LRRC55: variants seen among roughly 807,000 people sequenced by gnomAD.
LRRC55 encodes the protein leucine rich repeat containing 55, also known as leucine-rich repeat-containing protein 55.
A neutral mutation model predicts 20.5 loss-of-function variants in LRRC55; 11 were observed. The observed-to-expected ratio is 0.54, with a 90% CI of 0.34 to 0.89. LRRC55 has a LOEUF of 0.89. Among genes scored for constraint, LRRC55 ranks in the 40% least tolerant of loss-of-function variants. The pLI, the probability that LRRC55 is intolerant of heterozygous loss-of-function variation, is 0.02. For synonymous variants in LRRC55, 188 were observed against 166.6 expected (o/e 1.13, Z -0.99); for missense variants, 358 against 390.9 (o/e 0.92, Z 0.71).
chr11:57,187,700 G>A lies in LRRC55; in HGVS notation c.*220G>A. On this transcript the variant is annotated 3_prime_UTR_variant, in exon 2 of 2. Coordinates refer to ENST00000497933, the MANE Select transcript of LRRC55 (RefSeq NM_001005210.4). ...AACTGACTCAGTCCCTGCCCTCAAG[G>A]CACTTCCCTCTGGTCAAGGAGAGAG... is the stretch of plus-strand genomic sequence containing the variant. 1.6e-6 allele frequency: 1 copy of A among 609,394 alleles called. No individual in the cohort carries two copies. Among genetic ancestry groups the A allele is most frequent in the Admixed American group, 3.0e-5 (1 of 33,488 alleles). 37.7% of individuals were successfully genotyped at this position (609,394 alleles called of 1,614,324 possible).
In LRRC55 at chr11:57,187,291, C is replaced by G. The variant is rs909320514; in HGVS notation, c.708C>G (p.Ala236=). The change falls in exon 2 of 2, where the codon GCC becomes GCG. Residue 236 remains alanine, a synonymous_variant. Transcript: ENST00000497933. ...ECRGPPEVEG[A]PLFSLTEESF... The stretch of plus-strand genomic sequence containing the variant: ...GGGGCCCTCCTGAAGTCGAGGGCGC[C>G]CCGCTCTTCTCACTCACTGAGGAGA... 6.2e-7 allele frequency: 1 copy of G among 1,613,978 alleles called. No individual in the cohort carries two copies. The highest frequency in any genetic ancestry group is 1.3e-5 in the African/African-American group (1 of 74,900).
rs1194149307 is a variant in LRRC55 at position 57,187,819 on chromosome 11, T to A, written c.*339T>A. The stretch of plus-strand genomic sequence containing the variant: ...AGGAGCCATCATCTGTATCTAGCAA[T>A]GTCCATGAGAATTATAAGATTAGAG... On this transcript the variant is annotated 3_prime_UTR_variant, in exon 2 of 2. Transcript: ENST00000497933. 2.6e-6 allele frequency: 1 copy of A among 381,046 alleles called. No homozygotes were observed. The highest frequency in any genetic ancestry group is 4.8e-6 in the Non-Finnish European group (1 of 208,900). The allele number at this position is 381,046 out of a possible 1,614,324, so 23.6% of individuals were successfully genotyped here.
rs1482978812 is a variant in LRRC55 at position 57,186,370 on chromosome 11, A to AT, written c.662-875_662-874insT. Reference sequence around the variant, plus strand: ...GTTCTCATGCTAAAGATACCATGGGAGGGGCTTATATTGAAAGGGGAGAAG... The same window carrying AT: ...GTTCTCATGCTAAAGATACCATGGGATGGGGCTTATATTGAAAGGGGAGAAG... On this transcript the variant is annotated intron_variant, in intron 1 of 1. Coordinates refer to ENST00000497933, the MANE Select transcript of LRRC55 (RefSeq NM_001005210.4). Among the ~76,000 whole-genome samples the AT allele has an allele frequency of 4.6e-5, 7 of 152,224 alleles. 1 individual carries two copies. In the East Asian group the frequency reaches 9.6e-4, roughly 21 times the overall value.
intron 1 of LRRC55, among the ~76,000 whole-genome samples, chr11:57,183,568 T>C (rs1271607482): frequency 6.6e-6 from 1 of 152,194 alleles, no homozygotes; most frequent in African/African-American, 2.4e-5. Context: ...AGTCAGGTTC[T>C]GGCCTGCCGG....
Position 57,191,135 on chromosome 11 carries a change from C to G in LRRC55, c.*3655C>G, listed in dbSNP as rs533107046. On this transcript the variant is annotated 3_prime_UTR_variant, in exon 2 of 2. Coordinates refer to ENST00000497933, the MANE Select transcript of LRRC55 (RefSeq NM_001005210.4). ...ATCTCTGGTCACCCTCAGACAAACC[C>G]TCGTCTCTTTTTCTCCCTTCCTAGA... is the stretch of plus-strand genomic sequence containing the variant. The G allele has an allele frequency of 1.3e-5, 2 of 152,160 alleles. No individual in the cohort carries two copies. Among genetic ancestry groups the G allele is most frequent in the African/African-American group, 2.4e-5 (1 of 41,424 alleles). The allele number at this position is 152,160 out of a possible 1,614,324, so 9.4% of individuals were successfully genotyped here.
chr11:57,188,956 G>A lies in LRRC55; in HGVS notation c.*1476G>A, dbSNP rs770621414. ...CTGGATAAGCCCTAGAAGGAAGGCG[G>A]TAGGCAGCTCCATTCAGGGAAACTG... is the stretch of plus-strand genomic sequence containing the variant. On this transcript the variant is annotated 3_prime_UTR_variant, in exon 2 of 2. Coordinates refer to ENST00000497933, the MANE Select transcript of LRRC55 (RefSeq NM_001005210.4). The A allele has an allele frequency of 3.9e-5, 6 of 152,222 alleles. No homozygotes were observed. Among genetic ancestry groups the A allele is most frequent in the Non-Finnish European group, 7.3e-5 (5 of 68,054 alleles). The allele number at this position is 152,222 out of a possible 1,614,324, so 9.4% of individuals were successfully genotyped here.
chr11:57,186,479 G>C (rs193014782), intron 1 of LRRC55, among the ~76,000 whole-genome samples: 1 of 152,304 alleles, frequency 6.6e-6, no homozygotes, highest in Admixed American at 6.5e-5. Context: ...AGGGAGCCCA[G>C]GGGGAGGTGA....
At position 57,182,696 on chromosome 11, in the gene LRRC55, C is replaced by A; in HGVS notation, c.661+13C>A. ...CGCTGTACAGCAGGTAATAGAGGGGCAGAACGGGGCAGTCAACAGGGAGGG... is the reference window on the plus strand; with the variant it reads ...CGCTGTACAGCAGGTAATAGAGGGGAAGAACGGGGCAGTCAACAGGGAGGG... On this transcript the variant is annotated intron_variant, in intron 1 of 1. Coordinates refer to ENST00000497933, the MANE Select transcript of LRRC55 (RefSeq NM_001005210.4). 1 of 1,464,990 alleles carries A rather than the reference C, an allele frequency of 6.8e-7. No homozygotes were observed. 90.7% of individuals were successfully genotyped at this position (1,464,990 alleles called of 1,614,324 possible). A position where few individuals can be genotyped will look rare whatever the true frequency, so the allele number is the denominator to read the frequency against.
chr11:57,185,270 C>CTTCTTTTTTTTTTTTT (rs1854416014), intron 1 of LRRC55, among the ~76,000 whole-genome samples: 1 of 89,412 alleles, frequency 1.1e-5, no homozygotes, highest in Non-Finnish European at 2.0e-5. Context: ...CTTTTCTTTT[C>CTTCTTTTTTTTTTTTT]TTTTTTTTTT....
intron 1 of LRRC55, among the ~76,000 whole-genome samples, 162 bp downstream of exon 1, chr11:57,182,845 T>C (rs10896577): frequency 0.29 from 43,495 of 152,164 alleles, 6,963 homozygotes; most frequent in Non-Finnish European, 0.38. Context: ...AGGTTGTTTG[T>C]AGAATCCTTC....
chr11:57,185,492 G>A (rs1048204896), intron 1 of LRRC55, among the ~76,000 whole-genome samples: 4 of 138,118 alleles, frequency 2.9e-5, no homozygotes, highest in Non-Finnish European at 6.2e-5. Flanking sequence ...TGTTGGCCAG[G>A]ATGGTCTCAA....
intron 1 of LRRC55, among the ~76,000 whole-genome samples, chr11:57,186,367 G>A (rs1854431533): frequency 1.3e-5 from 2 of 152,210 alleles, no homozygotes; most frequent in Non-Finnish European, 2.9e-5. Flanking sequence ...AAGATACCAT[G>A]GGAGGGGCTT....
intron 1 of LRRC55, among the ~76,000 whole-genome samples, chr11:57,186,960 G>C (rs1311678565): frequency 6.6e-6 from 1 of 151,970 alleles, no homozygotes; most frequent in African/African-American, 2.4e-5. Flanking sequence ...GGAGGTTATT[G>C]TAAGAGATGA....
intron 1 of LRRC55, among the ~76,000 whole-genome samples, chr11:57,185,428 G>A (rs1218285891): frequency 2.6e-5 from 4 of 151,258 alleles, no homozygotes; most frequent in Non-Finnish European, 4.4e-5. Context: ...CTACAGGTGC[G>A]CACCACCACA....
rs2135331057 is a variant in LRRC55, at chr11:57,182,189, T to A, written c.167T>A (p.Leu56Gln). 1 of 1,614,168 alleles carries A rather than the reference T, an allele frequency of 6.2e-7. No individual in the cohort carries two copies. The highest frequency in any genetic ancestry group is 8.5e-7 in the Non-Finnish European group (1 of 1,180,022). The change falls in exon 1 of 2, where the codon CTA becomes CAA. Residue 56 changes from leucine to glutamine, a missense_variant. Physicochemically the swap from Leu to Gln is moderately radical, Grantham distance 113 (BLOSUM62 -2). Transcript: ENST00000497933. Reference protein sequence around the residue: ...NQVVDCSSQRLFSVPPDLPMD... With the variant: ...NQVVDCSSQRQFSVPPDLPMD... ...GTGGTGGATTGTAGCAGCCAGCGGC[T>A]ATTCTCCGTGCCCCCAGACCTGCCA...
chr11:57,187,641 C>T lies in LRRC55; in HGVS notation c.*161C>T. On this transcript the variant is annotated 3_prime_UTR_variant, in exon 2 of 2. Coordinates refer to ENST00000497933, the MANE Select transcript of LRRC55 (RefSeq NM_001005210.4). ...TTTTGTATGAGCATCTGCTTTGGGC[C>T]AGGCGGCACGCTAGGAATTGGGAAC... 1.4e-6 allele frequency: 1 copy of T among 701,682 alleles called. No homozygotes were observed. The highest frequency in any genetic ancestry group is 1.6e-5 in the South Asian group (1 of 61,758). The allele number at this position is 701,682 out of a possible 1,614,324, so 43.5% of individuals were successfully genotyped here. A position where few individuals can be genotyped will look rare whatever the true frequency, so the allele number is the denominator to read the frequency against.
intron 1 of LRRC55, among the ~76,000 whole-genome samples, chr11:57,184,079 G>A (rs1854398479): frequency 6.6e-6 from 1 of 152,204 alleles, no homozygotes; most frequent in South Asian, 2.1e-4. Context: ...AGTTTGGGGA[G>A]GGCTGTGGGT....
chr11:57,187,712 G>C lies in LRRC55; in HGVS notation c.*232G>C. 1 of 596,602 alleles carries C rather than the reference G, an allele frequency of 1.7e-6. No individual in the cohort carries two copies. The highest frequency in any genetic ancestry group is 3.0e-6 in the Non-Finnish European group (1 of 338,024). The allele number at this position is 596,602 out of a possible 1,614,324, so 37.0% of individuals were successfully genotyped here. A position where few individuals can be genotyped will look rare whatever the true frequency, so the allele number is the denominator to read the frequency against. ...CCCTGCCCTCAAGGCACTTCCCTCT[G>C]GTCAAGGAGAGAGATCCAAAAACTA... On this transcript the variant is annotated 3_prime_UTR_variant, in exon 2 of 2. Transcript: ENST00000497933.
chr11:57,191,533 TCA>T lies in LRRC55; in HGVS notation c.*4054_*4055del, dbSNP rs1359861261. The T allele has an allele frequency of 7.2e-6, 1 of 139,568 alleles. No homozygotes were observed. Among genetic ancestry groups the T allele is most frequent in the Non-Finnish European group, 1.5e-5 (1 of 67,008 alleles). 8.6% of individuals were successfully genotyped at this position (139,568 alleles called of 1,614,324 possible). A position where few individuals can be genotyped will look rare whatever the true frequency, so the allele number is the denominator to read the frequency against. On this transcript the variant is annotated 3_prime_UTR_variant, in exon 2 of 2. Transcript: ENST00000497933. ...GCGGAGAGCTGGATCCACAGAGCTC[TCA>T]GTTTTTCTAAGCACTGTCCTGTAAT... is the stretch of plus-strand genomic sequence containing the variant.
Sources: allele counts gnomAD v4.1 joint callset (sites outside exome capture counted in the v4.1 genomes callset), GRCh38; gene constraint gnomAD v4.1.1; transcripts MANE v1.5; gene names NCBI Gene and HGNC (gene_info 2026-07-23, HGNC 2026-07-21).